FOXJ3: variants seen among roughly 807,000 people sequenced by gnomAD.
The protein encoded by FOXJ3 is forkhead box protein J3.
In FOXJ3, 22 loss-of-function variants were observed where a neutral mutation model predicts 76.1. That is an observed-to-expected ratio of 0.29 (90% CI 0.21 to 0.41). FOXJ3 has a LOEUF of 0.41. Ranked by LOEUF, FOXJ3 falls within the 10% of genes least tolerant of loss-of-function variation. The pLI, the probability that FOXJ3 is intolerant of heterozygous loss-of-function variation, is 1.00. For synonymous variants in FOXJ3, 269 were observed against 261.2 expected (o/e 1.03, Z -0.29); for missense variants, 613 against 762.1 (o/e 0.80, Z 2.30).
intron 5 of FOXJ3, among the ~76,000 whole-genome samples, chr1:42,221,661 T>A (rs1371649109): frequency 6.6e-6 from 1 of 151,604 alleles, no homozygotes; most frequent in Non-Finnish European, 1.5e-5. Flanking sequence ...GTGGGTCTTA[T>A]CTTGCTGCCC....
intron 5 of FOXJ3, among the ~76,000 whole-genome samples, chr1:42,213,369 G>A (rs1274005618): frequency 6.7e-6 from 1 of 150,204 alleles, no homozygotes; most frequent in East Asian, 2.0e-4. Flanking sequence ...AAAGACTCAA[G>A]ATAAAGGAGT....
At chr1:42,260,085 T>C (rs1432916941) in intron 4 of FOXJ3, among the ~76,000 whole-genome samples, 2 of 152,226 alleles carry the variant, frequency 1.3e-5, no homozygotes, top group Non-Finnish European at 2.9e-5. Flanking sequence ...AGTCATCATC[T>C]TCTTTACAAA....
At chr1:42,244,002 GCAA>G (rs1305377614) in intron 4 of FOXJ3, among the ~76,000 whole-genome samples, 1 of 151,992 alleles carries the variant, frequency 6.6e-6, no homozygotes, top group African/African-American at 2.4e-5. Flanking sequence ...AAACTAGAAA[GCAA>G]CAACAAGAGG....
At chr1:42,308,834 T>C (rs560977201) in intron 2 of FOXJ3, among the ~76,000 whole-genome samples, 2 of 152,062 alleles carry the variant, frequency 1.3e-5, no homozygotes, top group Non-Finnish European at 2.9e-5. Flanking sequence ...CCCAATGTCA[T>C]ATAAAGGCTT....
intron 2 of FOXJ3, among the ~76,000 whole-genome samples, chr1:42,302,604 G>A (rs1283145445): frequency 1.3e-5 from 2 of 152,222 alleles, no homozygotes; most frequent in Admixed American, 6.5e-5. Flanking sequence ...TTCTCTGTAT[G>A]GCAAGTAGAG....
chr1:42,216,488 A>G (rs1351550531), intron 5 of FOXJ3, among the ~76,000 whole-genome samples: 2 of 151,732 alleles, frequency 1.3e-5, no homozygotes, highest in South Asian at 2.1e-4. Flanking sequence ...ACTGCACTCC[A>G]GCCTGGGCGA....
At chr1:42,250,340 AGATAAG>A (rs1425008666) in intron 4 of FOXJ3, among the ~76,000 whole-genome samples, 1 of 152,246 alleles carries the variant, frequency 6.6e-6, no homozygotes, top group Admixed American at 6.5e-5. Flanking sequence ...AACACTATAC[AGATAAG>A]GATAATACGT....
At position 42,309,104 on chromosome 1, in the gene FOXJ3, A is replaced by C. The variant is rs183746712; in HGVS notation, c.44+1946T>G. Among the ~76,000 whole-genome samples the C allele has an allele frequency of 5.3e-5, 8 of 151,864 alleles. No homozygotes were observed. The East Asian group carries it at 1.6e-3, about 29-fold the overall frequency. ...AACTACAAACGTAACTTCATTGTTC[A>C]TTTTGTGTGTGTGTGTGGCATTCTG... is the stretch of plus-strand genomic sequence containing the variant. On this transcript the variant is annotated intron_variant, in intron 2 of 12. Coordinates refer to ENST00000361346, the MANE Select transcript of FOXJ3 (RefSeq NM_014947.5).
chr1:42,178,372 A>G lies in FOXJ3; in HGVS notation c.*1338T>C, dbSNP rs1055807842. 4 of 152,262 alleles carry G rather than the reference A, an allele frequency of 2.6e-5. No individual in the cohort carries two copies. Among genetic ancestry groups the G allele is most frequent in the Non-Finnish European group, 5.9e-5 (4 of 68,044 alleles). The allele number at this position is 152,262 out of a possible 1,614,324, so 9.4% of individuals were successfully genotyped here. On this transcript the variant is annotated 3_prime_UTR_variant, in exon 13 of 13. Coordinates refer to ENST00000361346, the MANE Select transcript of FOXJ3 (RefSeq NM_014947.5). The stretch of plus-strand genomic sequence containing the variant: ...ATTCCAGAAAAATCCGATTTAACTA[A>G]TAAGTCTGAATCAGCAAGAATGCCA...
intron 11 of FOXJ3, among the ~76,000 whole-genome samples, chr1:42,186,334 G>C (rs896172269): frequency 1.3e-5 from 2 of 152,106 alleles, no homozygotes; most frequent in Non-Finnish European, 2.9e-5. Context: ...ACTGTTGTCA[G>C]AGGCCAAAAC....
At chr1:42,317,602 G>A (rs1049182437) in intron 1 of FOXJ3, among the ~76,000 whole-genome samples, 2 of 151,268 alleles carry the variant, frequency 1.3e-5, no homozygotes, top group Admixed American at 1.3e-4. Flanking sequence ...CATGTTCAGT[G>A]TAGATCAAGA....
At chr1:42,325,587 C>T (rs1404870911) in intron 1 of FOXJ3, among the ~76,000 whole-genome samples, 2 of 152,106 alleles carry the variant, frequency 1.3e-5, no homozygotes, top group Non-Finnish European at 2.9e-5. Context: ...GTCCAATGTA[C>T]CTGGATGAAA....
Position 42,278,540 on chromosome 1 carries a change from G to A in FOXJ3, c.177C>T (p.Leu59=). The A allele has an allele frequency of 1.9e-6, 3 of 1,614,138 alleles. No homozygotes were observed. The highest frequency in any genetic ancestry group is 2.5e-6 in the Non-Finnish European group (3 of 1,180,030). Residue 59 remains leucine (L), a synonymous_variant, in exon 3 of 13, where the codon CTC becomes CTT. Transcript: ENST00000361346. ...GGTCCAGAGTTGTATTTGGGTCAAG[G>A]AGTGCATTCTTCTTAGAAATTCCTG... is the stretch of plus-strand genomic sequence containing the variant. The part of the protein sequence containing the change: ...HGTGISKKNA[L]LDPNTTLDQE...
chr1:42,231,486 G>T (rs2124474892), intron 4 of FOXJ3, among the ~76,000 whole-genome samples: 1 of 152,294 alleles, frequency 6.6e-6, no homozygotes, highest in South Asian at 2.1e-4. Context: ...GGGAATGTAG[G>T]TACTTATTGT....
rs1034596922 is a variant in FOXJ3 at position 42,177,730 on chromosome 1, A to C, written c.*1980T>G. ...CCTTACCATGGCTGGCTTCCCAGTG[A>C]TTCATTCAAGGCAACACTCCATTAA... is the stretch of plus-strand genomic sequence containing the variant. On this transcript the variant is annotated 3_prime_UTR_variant, in exon 13 of 13. Transcript: ENST00000361346. The C allele has an allele frequency of 6.6e-6, 1 of 152,446 alleles. No homozygotes were observed. Among genetic ancestry groups the C allele is most frequent in the Non-Finnish European group, 1.5e-5 (1 of 68,016 alleles). The allele number at this position is 152,446 out of a possible 1,614,324, so 9.4% of individuals were successfully genotyped here. A position where few individuals can be genotyped will look rare whatever the true frequency, so the allele number is the denominator to read the frequency against.
intron 7 of FOXJ3, among the ~76,000 whole-genome samples, chr1:42,197,485 T>C (rs1171541829): frequency 6.6e-6 from 1 of 152,136 alleles, no homozygotes. Flanking sequence ...AGTCCTTTGG[T>C]ATCCACGAGG....
At chr1:42,273,064 C>T (rs1651978724) in intron 3 of FOXJ3, among the ~76,000 whole-genome samples, 1 of 152,186 alleles carries the variant, frequency 6.6e-6, no homozygotes, top group South Asian at 2.1e-4. Context: ...GATTATCATA[C>T]TCCCCATAAA....
At chr1:42,319,115 G>A (rs1034500377) in intron 1 of FOXJ3, among the ~76,000 whole-genome samples, 1 of 151,990 alleles carries the variant, frequency 6.6e-6, no homozygotes, top group Admixed American at 6.6e-5. Context: ...CTGTAGTTCC[G>A]GCTACTCAGG....
At chr1:42,287,899 G>A (rs369760564) in intron 2 of FOXJ3, among the ~76,000 whole-genome samples, 5 of 152,224 alleles carry the variant, frequency 3.3e-5, no homozygotes, top group Admixed American at 6.5e-5. Flanking sequence ...CAGGGAAGTC[G>A]AGACTGCAGT....
Sources: gnomAD v4.1 joint callset for allele counts (sites outside exome capture counted in the v4.1 genomes callset) on GRCh38, gnomAD v4.1.1 for gene constraint, MANE v1.5 for transcripts, NCBI Gene and HGNC (gene_info 2026-07-23, HGNC 2026-07-21) for gene names.